Variants in VAC14 observed in about 807,000 individuals in gnomAD.
The protein encoded by VAC14 is protein VAC14 homolog.
In VAC14, 47 loss-of-function variants were observed where a neutral mutation model predicts 85.3. The ratio of observed to expected loss-of-function variants is 0.55; its 90% CI spans 0.44 to 0.70. The LOEUF (loss-of-function observed/expected upper bound fraction) is 0.70. VAC14 is among the 30% of genes least tolerant of loss of function. The pLI is 0.00. For synonymous variants in VAC14, 447 were observed against 430.5 expected (o/e 1.04, Z -0.47); for missense variants, 861 against 1,004.3 (o/e 0.86, Z 1.93).
intron 13 of VAC14, 51 bp downstream of exon 13, chr16:70,744,372 C>T (rs370061808): frequency 3.2e-5 from 52 of 1,610,470 alleles, no homozygotes; most frequent in East Asian, 2.2e-4. Flanking sequence ...GCCTAAGACC[C>T]GGCACTGGCA....
rs1269960602 is a variant in VAC14, at chr16:70,762,328, G to A, written c.1371+212C>T. 1.3e-5 allele frequency among the ~76,000 whole-genome samples: 2 copies of A among 152,030 alleles called. No homozygotes were observed. The highest frequency in any genetic ancestry group is 2.1e-4 in the South Asian group (1 of 4,820). ...TCACCATGTTGGCCAGGCTAGTCTC[G>A]AACTCCTGGCCTCAAGTGATCCACC... On this transcript the variant is annotated intron_variant, in intron 12 of 18. Coordinates refer to ENST00000261776, the MANE Select transcript of VAC14 (RefSeq NM_018052.5). This position sits in a 1 kb window ranked among gnomAD's most constrained non-coding sequence, Gnocchi z 4.1.
At chr16:70,694,683 C>T (rs1042124833) in intron 17 of VAC14, among the ~76,000 whole-genome samples, 2 of 152,198 alleles carry the variant, frequency 1.3e-5, no homozygotes, top group African/African-American at 2.4e-5. Context: ...CTTCTCTGCA[C>T]ATTATAAGCA....
At chr16:70,774,121 C>G (rs924896762) in intron 9 of VAC14, among the ~76,000 whole-genome samples, 1 of 152,134 alleles carries the variant, frequency 6.6e-6, no homozygotes, top group African/African-American at 2.4e-5. Flanking sequence ...GATACACTAC[C>G]ATTAACTAAA....
chr16:70,712,420 T>C (rs1015233632), intron 14 of VAC14, among the ~76,000 whole-genome samples: 1 of 146,790 alleles, frequency 6.8e-6, no homozygotes, highest in Non-Finnish European at 1.5e-5. Flanking sequence ...GAAAGGCGGG[T>C]GGACAGATTT....
chr16:70,730,557 A>T (rs969027778), intron 14 of VAC14, among the ~76,000 whole-genome samples: 1 of 139,796 alleles, frequency 7.2e-6, no homozygotes, highest in East Asian at 2.2e-4. Flanking sequence ...CCATCACCCC[A>T]GGGGTTCCGA....
In VAC14 at chr16:70,780,824, G is replaced by C. The variant is rs553657818; in HGVS notation, c.1062C>G (p.Asp354Glu). ...PGQRQAEPTP[D>E]DALPKQEGTA... ...TGCCCTCCTGCTTTGGCAGGGCATC[G>C]TCAGGGGTGGGCTCTGCCTGCCTCT... Residue 354 changes from aspartate (D) to glutamate (E), a missense_variant, in exon 9 of 19, where the codon GAC (aspartate) becomes GAG (glutamate). Physicochemically the swap from Asp to Glu is conservative, Grantham distance 45 (BLOSUM62 2). Coordinates refer to ENST00000261776, the MANE Select transcript of VAC14 (RefSeq NM_018052.5). The C allele has an allele frequency of 2.5e-6, 4 of 1,611,208 alleles. No individual in the cohort carries two copies. The highest frequency in any genetic ancestry group is 3.4e-6 in the Non-Finnish European group (4 of 1,178,040).
intron 14 of VAC14, chr16:70,716,490 G>A (rs892722278): frequency 1.3e-5 from 2 of 152,304 alleles, no homozygotes; most frequent in Non-Finnish European, 2.9e-5. Flanking sequence ...GCCTGGCCCA[G>A]GCCCTCCTCC....
At chr16:70,746,511 G>T (rs2143014081) in intron 12 of VAC14, among the ~76,000 whole-genome samples, 1 of 152,312 alleles carries the variant, frequency 6.6e-6, no homozygotes, top group Non-Finnish European at 1.5e-5. Flanking sequence ...AATCCACGTG[G>T]CTGAGACACA....
At chr16:70,733,915 C>T (rs893935439) in intron 13 of VAC14, among the ~76,000 whole-genome samples, 3 of 152,124 alleles carry the variant, frequency 2.0e-5, no homozygotes, top group South Asian at 2.1e-4. Context: ...AACCTCCGCC[C>T]GGGTTCAAGC....
intron 13 of VAC14, among the ~76,000 whole-genome samples, chr16:70,733,976 C>T (rs1204828717): frequency 6.6e-6 from 1 of 151,916 alleles, no homozygotes; most frequent in Admixed American, 6.6e-5. Flanking sequence ...GCGTGTGCCA[C>T]CAGACCTGAC....
intron 1 of VAC14, among the ~76,000 whole-genome samples, chr16:70,793,410 C>T (rs1219038859): frequency 1.3e-5 from 2 of 152,190 alleles, no homozygotes; most frequent in African/African-American, 4.8e-5. Context: ...GAAACTGAGG[C>T]TCAGAGAAGT....
Position 70,786,310 on chromosome 16 carries a change from G to C in VAC14, c.160C>G (p.Gln54Glu). The C allele has an allele frequency of 1.9e-6, 3 of 1,614,248 alleles. No individual in the cohort carries two copies. Among genetic ancestry groups the C allele is most frequent in the Non-Finnish European group, 2.5e-6 (3 of 1,180,044 alleles). Residue 54 changes from glutamine to glutamate, a missense_variant, in exon 2 of 19, where the codon CAG (glutamine) becomes GAG (glutamate). This residue lies in a region of VAC14 where 629 missense variants were observed against 703.1 expected (regional missense o/e 0.89). Transcript: ENST00000261776. ...AGGGCAAACTCCTGGGACAGGGTCTGGATCACATGCTTGATTTGCACGGTA... is the reference window on the plus strand; with the variant it reads ...AGGGCAAACTCCTGGGACAGGGTCTCGATCACATGCTTGATTTGCACGGTA... ...NNTVQIKHVI[Q>E]TLSQEFALSQ...
At chr16:70,779,999 T>C (rs1041242508) in intron 9 of VAC14, among the ~76,000 whole-genome samples, 4 of 151,422 alleles carry the variant, frequency 2.6e-5, no homozygotes, top group Non-Finnish European at 4.4e-5. Context: ...TGCACCACCA[T>C]ATCTGGCTAA....
At chr16:70,690,734 C>T in intron 18 of VAC14, 1 of 985,492 alleles carries the variant, frequency 1.0e-6, no homozygotes, top group Non-Finnish European at 1.2e-6. Flanking sequence ...AGCTCCCTTC[C>T]CAGGGTGTGA....
At chr16:70,697,009 C>T (rs1431609787) in intron 16 of VAC14, 130 bp downstream of exon 16, 7 of 717,784 alleles carry the variant, frequency 9.8e-6, no homozygotes, top group Non-Finnish European at 1.7e-5. Context: ...ATGTCACAAG[C>T]CCTGAGGCTG....
At chr16:70,753,822 C>G (rs1027426377) in intron 12 of VAC14, among the ~76,000 whole-genome samples, 2 of 152,190 alleles carry the variant, frequency 1.3e-5, no homozygotes, top group Non-Finnish European at 2.9e-5. Context: ...TGTGCTCAGT[C>G]CTGCAGGCAA....
At chr16:70,755,746 A>G (rs1418773941) in intron 12 of VAC14, among the ~76,000 whole-genome samples, 2 of 152,160 alleles carry the variant, frequency 1.3e-5, no homozygotes, top group Non-Finnish European at 2.9e-5. Flanking sequence ...GGGGTGGTGG[A>G]GGGGCCGTCA....
intron 14 of VAC14, among the ~76,000 whole-genome samples, chr16:70,717,541 G>T (rs2054193085): frequency 6.6e-6 from 1 of 152,234 alleles, no homozygotes; most frequent in Non-Finnish European, 1.5e-5. Flanking sequence ...GTGAGAATTG[G>T]TTTTCTGCCA....
intron 13 of VAC14, among the ~76,000 whole-genome samples, chr16:70,732,971 G>C (rs1331744541): frequency 6.6e-6 from 1 of 152,102 alleles, no homozygotes; most frequent in African/African-American, 2.4e-5. Context: ...TCTTTAAAAA[G>C]AAAACAGCTT....
Sources: allele counts gnomAD v4.1 joint callset (sites outside exome capture counted in the v4.1 genomes callset), GRCh38; gene constraint gnomAD v4.1.1; regional missense constraint gnomAD v4.1.1; non-coding constraint Gnocchi (gnomAD v3.1); transcripts MANE v1.5; gene names NCBI Gene and HGNC (gene_info 2026-07-23, HGNC 2026-07-21).